The following ANKRD17 variants were observed in gnomAD, a reference collection of about 807,000 sequenced individuals.
ANKRD17 encodes ankyrin repeat domain-containing protein 17.
Under a neutral mutation model 229.7 loss-of-function variants are expected in ANKRD17, and 19 were observed. The observed-to-expected ratio is 0.08, with a 90% confidence interval of 0.06 to 0.12. ANKRD17 has a LOEUF of 0.12. Among genes scored for constraint, ANKRD17 ranks in the 10% least tolerant of loss-of-function variants. The probability of loss-of-function intolerance (pLI) is 1.00; values close to 1 mark genes in which losing one functional copy is unlikely to be tolerated. For synonymous variants in ANKRD17, 1,112 were observed against 1,146.1 expected (o/e 0.97, Z 0.60); for missense variants, 2,176 against 3,176.8 (o/e 0.68, Z 7.57).
intron 24 of ANKRD17, among the ~76,000 whole-genome samples, chr4:73,106,571 T>A (rs910397506): frequency 4.6e-5 from 7 of 152,006 alleles, no homozygotes; most frequent in Admixed American, 2.0e-4. Context: ...AAGTAAGGCA[T>A]CCCACCTGTG....
chr4:73,243,781 G>A (rs774952632), intron 1 of ANKRD17, among the ~76,000 whole-genome samples: 6 of 152,204 alleles, frequency 3.9e-5, no homozygotes, highest in East Asian at 1.9e-4. Context: ...ATATGGCTGC[G>A]TAAGAAATTT....
chr4:73,203,438 A>G (rs957840299), intron 1 of ANKRD17, among the ~76,000 whole-genome samples: 1 of 152,166 alleles, frequency 6.6e-6, no homozygotes, highest in South Asian at 2.1e-4. Context: ...CCAGAAAGAG[A>G]GAAGGAGGGT....
In ANKRD17 at chr4:73,177,486, C is replaced by T; in HGVS notation, c.441G>A (p.Leu147=). 6.2e-7 allele frequency: 1 copy of T among 1,613,542 alleles called. No individual in the cohort carries two copies. Among genetic ancestry groups the T allele is most frequent in the Non-Finnish European group, 8.5e-7 (1 of 1,179,690 alleles). The change falls in exon 2 of 34, where the codon CTG becomes CTA. Residue 147 remains leucine (L), a synonymous_variant. Transcript: ENST00000358602. ...LDQDDLENPM[L]ETASKLLLSG... ...ATAAGAGCAACTTGGAAGCTGTTTC[C>T]AGCATTGGATTTTCCAAATCATCCT...
chr4:73,171,178 G>GGAGAGAGAGAGAGAGAGAGAGA (rs56882212), intron 2 of ANKRD17, among the ~76,000 whole-genome samples: 21 of 104,500 alleles, frequency 2.0e-4, no homozygotes, highest in South Asian at 1.2e-3. Flanking sequence ...CTCAGAGGGG[G>GGAGAGAGAGAGAGAGAGAGAGA]GAGAGAGAGA....
intron 1 of ANKRD17, among the ~76,000 whole-genome samples, chr4:73,215,391 C>G (rs1320369852): frequency 1.3e-5 from 2 of 152,038 alleles, no homozygotes; most frequent in African/African-American, 2.4e-5. Flanking sequence ...TGCCGAGTAG[C>G]TGGGACTACA....
At chr4:73,088,241 A>T (rs780750425) in intron 29 of ANKRD17, among the ~76,000 whole-genome samples, 31 of 152,216 alleles carry the variant, frequency 2.0e-4, no homozygotes, top group Admixed American at 4.6e-4. Flanking sequence ...AATTAGGAAG[A>T]AGTAGAGAGA....
At chr4:73,212,744 A>C (rs1313300984) in intron 1 of ANKRD17, among the ~76,000 whole-genome samples, 3 of 152,144 alleles carry the variant, frequency 2.0e-5, no homozygotes, top group African/African-American at 7.2e-5. Flanking sequence ...AGGCCAGCAC[A>C]GTGGCTCACG....
intron 18 of ANKRD17, among the ~76,000 whole-genome samples, chr4:73,124,279 A>T (rs1369504152): frequency 6.7e-6 from 1 of 149,394 alleles, no homozygotes; most frequent in Non-Finnish European, 1.5e-5. Context: ...TGTACAAAGG[A>T]CTGAATTTGA....
intron 2 of ANKRD17, 80 bp downstream of exon 2, chr4:73,177,300 C>G (rs542115300): frequency 4.6e-6 from 6 of 1,291,882 alleles, no homozygotes; most frequent in Non-Finnish European, 6.1e-6. Flanking sequence ...CAATATCATT[C>G]ATTTTTAACA....
chr4:73,196,851 G>T (rs536100570), intron 1 of ANKRD17, among the ~76,000 whole-genome samples: 25 of 152,170 alleles, frequency 1.6e-4, no homozygotes, highest in African/African-American at 6.0e-4. Context: ...TTGAACAAAA[G>T]AATTATAAAA....
At chr4:73,189,701 A>G (rs1032214211) in intron 1 of ANKRD17, among the ~76,000 whole-genome samples, 1 of 152,212 alleles carries the variant, frequency 6.6e-6, no homozygotes, top group African/African-American at 2.4e-5. Flanking sequence ...GATACTATCA[A>G]CGGAGTTTCT....
chr4:73,080,550 C>T (rs1721458141), intron 30 of ANKRD17, among the ~76,000 whole-genome samples: 1 of 152,070 alleles, frequency 6.6e-6, no homozygotes, highest in South Asian at 2.1e-4. Context: ...AGATAAATAA[C>T]AAAAGCTTGT....
At chr4:73,123,205 A>C (rs1429152518) in intron 18 of ANKRD17, among the ~76,000 whole-genome samples, 1 of 152,102 alleles carries the variant, frequency 6.6e-6, no homozygotes, top group Non-Finnish European at 1.5e-5. Context: ...TATTGAAAAA[A>C]TCTGTTCTTA....
At chr4:73,178,329 T>C (rs1735000812) in intron 1 of ANKRD17, among the ~76,000 whole-genome samples, 1 of 152,222 alleles carries the variant, frequency 6.6e-6, no homozygotes, top group African/African-American at 2.4e-5. Context: ...AGACAAACAC[T>C]ATACTTTTTA....
Position 73,078,766 on chromosome 4 carries a change from C to T in ANKRD17, c.7284G>A (p.Gly2428=). The T allele has an allele frequency of 8.1e-6, 13 of 1,613,956 alleles. No individual in the cohort carries two copies. The African/African-American group carries it at 1.1e-4, about 13-fold the overall frequency. Residue 2428 remains glycine (G), a synonymous_variant, in exon 31 of 34, where the codon GGG becomes GGA. Coordinates refer to ENST00000358602, the MANE Select transcript of ANKRD17 (RefSeq NM_032217.5). The part of the protein sequence containing the change: ...SQDRKVPVPI[G]TERSARIRQT... ...GCCTGATACGTGCAGAACGTTCAGT[C>T]CCAATAGGGACTGGAACTTTCCTGT... is the stretch of plus-strand genomic sequence containing the variant.
intron 8 of ANKRD17, among the ~76,000 whole-genome samples, 195 bp downstream of exon 8, chr4:73,148,618 T>C (rs993935391): frequency 3.3e-5 from 5 of 152,228 alleles, no homozygotes; most frequent in Non-Finnish European, 5.9e-5. Context: ...CTGAAAGCTC[T>C]ATATGAAAGA....
At chr4:73,223,228 T>G in intron 1 of ANKRD17, 1 of 428,456 alleles carries the variant, frequency 2.3e-6, no homozygotes, top group Non-Finnish European at 4.1e-6. Context: ...GAAGCTCTAT[T>G]CCAAAGCAAA....
chr4:73,177,178 A>G (rs191393442), intron 2 of ANKRD17, among the ~76,000 whole-genome samples: 1 of 152,244 alleles, frequency 6.6e-6, no homozygotes, highest in East Asian at 1.9e-4. Context: ...CAACTGTAGC[A>G]CATGGACTTT....
chr4:73,211,847 CAA>C (rs567271450), intron 1 of ANKRD17, among the ~76,000 whole-genome samples: 37 of 49,728 alleles, frequency 7.4e-4, no homozygotes, highest in African/African-American at 1.2e-3. Flanking sequence ...AACTCTGTCT[CAA>C]AAAAAAAAAA....
Sources: allele counts gnomAD v4.1 joint callset (sites outside exome capture counted in the v4.1 genomes callset), GRCh38; gene constraint gnomAD v4.1.1; transcripts MANE v1.5; gene names NCBI Gene and HGNC (gene_info 2026-07-23, HGNC 2026-07-21).